The following ARHGEF12 variants were observed in gnomAD, a reference collection of about 807,000 sequenced individuals.
ARHGEF12 encodes the protein Rho guanine nucleotide exchange factor 12.
In ARHGEF12, 66 loss-of-function variants were observed where a neutral mutation model predicts 211.2. That is an observed-to-expected ratio of 0.31 (90% CI 0.26 to 0.38). The LOEUF is 0.38. Ranked by LOEUF, ARHGEF12 falls within the 10% of genes least tolerant of loss-of-function variation. The probability of loss-of-function intolerance (pLI) is 1.00; values close to 1 mark genes in which losing one functional copy is unlikely to be tolerated. For missense variants in ARHGEF12, 1,429 were observed against 1,869.5 expected (o/e 0.76, Z 4.34); for synonymous variants, 592 against 638.4 (o/e 0.93, Z 1.09).
At chr11:120,404,487 A>G (rs1944634659) in intron 1 of ARHGEF12, among the ~76,000 whole-genome samples, 1 of 152,246 alleles carries the variant, frequency 6.6e-6, no homozygotes, top group South Asian at 2.1e-4. Context: ...TACTTGAAGT[A>G]GTAAGTAGAT....
Position 120,478,238 on chromosome 11 carries a change from A to G in ARHGEF12, c.3615A>G (p.Val1205=). 6.2e-7 allele frequency: 1 copy of G among 1,614,202 alleles called. No individual in the cohort carries two copies. Among genetic ancestry groups the G allele is most frequent in the Non-Finnish European group, 8.5e-7 (1 of 1,180,038 alleles). ...TGAGTACCTCTGGGAAATCAGAGGT[A>G]CGTGATCTGTTTGTGGCTGAGAGAC... ...HSLSTSGKSE[V]RDLFVAERQF... is the part of the protein sequence containing the mutation. Residue 1205 remains valine (V), a synonymous_variant, in exon 37 of 41, where the codon GTA becomes GTG. Transcript: ENST00000397843.
chr11:120,463,262 A>G (rs1323429197), intron 27 of ARHGEF12: 1 of 152,320 alleles, frequency 6.6e-6, no homozygotes, highest in Non-Finnish European at 1.5e-5. Flanking sequence ...GCAGTGGCTC[A>G]TGCCTATAAT....
Position 120,478,286 on chromosome 11 carries a change from A to G in ARHGEF12, c.3663A>G (p.Thr1221=). The part of the protein sequence containing the change: ...AERQFAKEQH[T]DGTLKEVGED... The stretch of plus-strand genomic sequence containing the variant: ...GACAGTTTGCAAAGGAACAACATAC[A>G]GATGGGACACTAAAGGAAGTTGGAG... Residue 1221 remains threonine (T), a synonymous_variant, in exon 37 of 41, where the codon ACA becomes ACG. Coordinates refer to ENST00000397843, the MANE Select transcript of ARHGEF12 (RefSeq NM_015313.3). 1 of 1,614,238 alleles carries G rather than the reference A, an allele frequency of 6.2e-7. No individual in the cohort carries two copies. Among genetic ancestry groups the G allele is most frequent in the Non-Finnish European group, 8.5e-7 (1 of 1,180,040 alleles).
At chr11:120,454,733 C>T (rs1044962541) in intron 22 of ARHGEF12, among the ~76,000 whole-genome samples, 1 of 152,210 alleles carries the variant, frequency 6.6e-6, no homozygotes, top group African/African-American at 2.4e-5. Flanking sequence ...GCCTTAGCTC[C>T]TCACTCATGG....
chr11:120,471,826 C>T (rs1946877926), intron 30 of ARHGEF12, among the ~76,000 whole-genome samples: 1 of 152,088 alleles, frequency 6.6e-6, no homozygotes, highest in South Asian at 2.1e-4. Context: ...TCAGACTTTT[C>T]CATGTATTTG....
intron 21 of ARHGEF12, chr11:120,449,664 A>G (rs1419528387): frequency 2.0e-5 from 3 of 152,438 alleles, no homozygotes; most frequent in Admixed American, 1.3e-4. Context: ...GCACCACTGC[A>G]CTCAAGCCTG....
chr11:120,375,028 G>A (rs1306359739), intron 1 of ARHGEF12, among the ~76,000 whole-genome samples: 2 of 152,138 alleles, frequency 1.3e-5, no homozygotes, highest in African/African-American at 4.8e-5. Flanking sequence ...TAGTTTCTCA[G>A]TGAAAATAAA....
intron 35 of ARHGEF12, 46 bp from the exon 36 acceptor site, chr11:120,477,401 T>G (rs2135986898): frequency 6.3e-7 from 1 of 1,577,472 alleles, no homozygotes; most frequent in African/African-American, 1.4e-5. Context: ...GATGTTTAGA[T>G]ACCTCAGGAA....
chr11:120,447,226 G>A (rs970592861), intron 18 of ARHGEF12, 141 bp downstream of exon 18: 261 of 956,442 alleles, frequency 2.7e-4, no homozygotes, highest in Non-Finnish European at 3.6e-4. Context: ...TGAGAAACTG[G>A]ATTTTTTTTT....
At chr11:120,421,511 C>T (rs919010081) in intron 5 of ARHGEF12, among the ~76,000 whole-genome samples, 2 of 143,724 alleles carry the variant, frequency 1.4e-5, no homozygotes, top group East Asian at 2.3e-4. Flanking sequence ...AATCTAGGCT[C>T]ACTGCAACCT....
intron 7 of ARHGEF12, among the ~76,000 whole-genome samples, chr11:120,427,683 G>C (rs1197420225): frequency 6.7e-6 from 1 of 150,122 alleles, no homozygotes; most frequent in African/African-American, 2.4e-5. Flanking sequence ...AAAAAAAAAA[G>C]AAGATTTAAA....
At chr11:120,441,670 G>T (rs764798551) in intron 13 of ARHGEF12, 37 bp from the exon 14 acceptor site, 66 of 1,520,146 alleles carry the variant, frequency 4.3e-5, no homozygotes, top group Non-Finnish European at 6.0e-5. Flanking sequence ...GTATTTGTAT[G>T]TTGGAGTTAC....
chr11:120,345,345 G>A (rs899008966), intron 1 of ARHGEF12, among the ~76,000 whole-genome samples: 1 of 152,140 alleles, frequency 6.6e-6, no homozygotes, highest in African/African-American at 2.4e-5. Flanking sequence ...ATTAGTAACT[G>A]TACCATCCAT....
At chr11:120,355,530 A>C (rs1943108549) in intron 1 of ARHGEF12, among the ~76,000 whole-genome samples, 1 of 152,152 alleles carries the variant, frequency 6.6e-6, no homozygotes, top group South Asian at 2.1e-4. Context: ...CCCAGCTATA[A>C]ATTTTTTTGG....
chr11:120,371,481 C>A (rs972513620), intron 1 of ARHGEF12, among the ~76,000 whole-genome samples: 1 of 152,160 alleles, frequency 6.6e-6, no homozygotes, highest in African/African-American at 2.4e-5. Context: ...GAGCGAACCT[C>A]CGTCTCAAAA....
chr11:120,447,859 T>C lies in ARHGEF12; in HGVS notation c.1590-15T>C. On this transcript the variant is annotated splice_polypyrimidine_tract_variant and intron_variant, in intron 18 of 40. Transcript: ENST00000397843. ...TCCATATTTCATTTTTAAATTTTTT[T>C]TTCTTTTTTTTAAGGATGACTGCTC... 1 of 1,538,726 alleles carries C rather than the reference T, an allele frequency of 6.5e-7. No individual in the cohort carries two copies. The highest frequency in any genetic ancestry group is 8.8e-7 in the Non-Finnish European group (1 of 1,141,364).
Position 120,472,975 on chromosome 11 carries a change from C to A in ARHGEF12, c.2956-75C>A. ...TGGCCAAAATGGAGATTTTAAATGC[C>A]AAGTTTGATTCAGAAATAGAGAGGT... is the stretch of plus-strand genomic sequence containing the variant. On this transcript the variant is annotated intron_variant, in intron 30 of 40. Transcript: ENST00000397843. 5.6e-6 allele frequency: 8 copies of A among 1,428,096 alleles called. No individual in the cohort carries two copies. In the South Asian group the frequency reaches 9.2e-5, roughly 16 times the overall value. The allele number at this position is 1,428,096 out of a possible 1,614,324, so 88.5% of individuals were successfully genotyped here.
At chr11:120,427,566 G>T (rs1036145612) in intron 7 of ARHGEF12, among the ~76,000 whole-genome samples, 1 of 151,576 alleles carries the variant, frequency 6.6e-6, no homozygotes, top group Non-Finnish European at 1.5e-5. Flanking sequence ...AGCTACTTGT[G>T]GGGGCTGAGG....
At chr11:120,452,768 G>C (rs1565493325) in intron 22 of ARHGEF12, among the ~76,000 whole-genome samples, 2 of 152,294 alleles carry the variant, frequency 1.3e-5, no homozygotes, top group East Asian at 3.9e-4. Flanking sequence ...GGCTGAGGCG[G>C]GTGGATCACC....
Sources: allele counts gnomAD v4.1 joint callset (sites outside exome capture counted in the v4.1 genomes callset), GRCh38; gene constraint gnomAD v4.1.1; transcripts MANE v1.5; gene names NCBI Gene and HGNC (gene_info 2026-07-23, HGNC 2026-07-21).